Variants in MAML3 observed in about 807,000 individuals in gnomAD.
MAML3 encodes the protein mastermind like transcriptional coactivator 3, also known as mastermind-like protein 3.
A neutral mutation model predicts 101.9 loss-of-function variants in MAML3; 27 were observed. The ratio of observed to expected loss-of-function variants is 0.27; its 90% CI spans 0.20 to 0.37. The LOEUF is 0.37. MAML3 is among the 10% of genes least tolerant of loss of function. The pLI, the probability that MAML3 is intolerant of heterozygous loss-of-function variation, is 1.00. For missense variants in MAML3, 1,316 were observed against 1,444.9 expected, an observed-to-expected ratio of 0.91 and a Z score of 1.45; for synonymous variants, 501 against 555.9, an observed-to-expected ratio of 0.90 and a Z score of 1.39.
intron 1 of MAML3, among the ~76,000 whole-genome samples, chr4:139,892,685 CG>C (rs1279546099): frequency 7.9e-5 from 12 of 151,630 alleles, no homozygotes; most frequent in African/African-American, 2.9e-4. Context: ...AAGTCCAAAT[CG>C]GGGCCGGGAG....
chr4:139,811,193 G>A (rs940357710), intron 2 of MAML3, among the ~76,000 whole-genome samples: 2 of 152,198 alleles, frequency 1.3e-5, no homozygotes, highest in Admixed American at 1.3e-4. Context: ...CTGTTATAGA[G>A]TGCTTCTAAC....
intron 2 of MAML3, among the ~76,000 whole-genome samples, chr4:139,748,148 G>A (rs547546643): frequency 1.3e-5 from 2 of 152,054 alleles, no homozygotes; most frequent in South Asian, 4.2e-4. Context: ...CACTGCCCAT[G>A]GTATATTCAG....
intron 1 of MAML3, among the ~76,000 whole-genome samples, chr4:140,096,146 G>A (rs546596820): frequency 1.3e-5 from 2 of 152,182 alleles, no homozygotes; most frequent in Non-Finnish European, 2.9e-5. Flanking sequence ...AAAGAAGGCA[G>A]ACTCCTAGAC....
At chr4:140,002,605 G>A (rs779157837) in intron 1 of MAML3, among the ~76,000 whole-genome samples, 1 of 152,050 alleles carries the variant, frequency 6.6e-6, no homozygotes, top group Non-Finnish European at 1.5e-5. Flanking sequence ...CCTTATAATC[G>A]GAAGATCTAG....
intron 1 of MAML3, among the ~76,000 whole-genome samples, chr4:140,023,358 C>A (rs970018351): frequency 6.6e-6 from 1 of 152,170 alleles, no homozygotes; most frequent in Non-Finnish European, 1.5e-5. Flanking sequence ...ATCATCAATG[C>A]GCATGGAAGC....
intron 1 of MAML3, among the ~76,000 whole-genome samples, chr4:139,934,178 C>T (rs2110731435): frequency 6.6e-6 from 1 of 151,474 alleles, no homozygotes; most frequent in East Asian, 1.9e-4. Flanking sequence ...GAGTGCATGT[C>T]TGAGTGTGTG....
At chr4:140,098,736 T>G (rs1396061586) in intron 1 of MAML3, among the ~76,000 whole-genome samples, 2 of 152,268 alleles carry the variant, frequency 1.3e-5, no homozygotes, top group Non-Finnish European at 2.9e-5. Context: ...CATCGGGCTA[T>G]TCACCTGGGG....
chr4:140,057,273 T>G (rs1727365932), intron 1 of MAML3, among the ~76,000 whole-genome samples: 1 of 152,148 alleles, frequency 6.6e-6, no homozygotes, highest in Non-Finnish European at 1.5e-5. Context: ...GTCTCTATTA[T>G]ATATATATTT....
intron 2 of MAML3, among the ~76,000 whole-genome samples, chr4:139,873,271 T>C (rs1436296553): frequency 1.3e-5 from 2 of 152,172 alleles, no homozygotes; most frequent in Admixed American, 1.3e-4. Flanking sequence ...TTGGAGCCTA[T>C]GATTTCATCC....
At chr4:139,772,577 A>T (rs1050567310) in intron 2 of MAML3, among the ~76,000 whole-genome samples, 1 of 151,642 alleles carries the variant, frequency 6.6e-6, no homozygotes, top group African/African-American at 2.4e-5. Context: ...TCCTGACCTC[A>T]GGTAATCCAC....
At chr4:139,987,497 A>G (rs1207057228) in intron 1 of MAML3, among the ~76,000 whole-genome samples, 2 of 152,222 alleles carry the variant, frequency 1.3e-5, no homozygotes, top group African/African-American at 2.4e-5. Flanking sequence ...TATGGTGTCC[A>G]TGAGAAGTTG....
intron 2 of MAML3, chr4:139,794,050 A>G (rs1254829469): frequency 6.6e-6 from 1 of 152,254 alleles, no homozygotes; most frequent in African/African-American, 2.4e-5. Flanking sequence ...CATGGCTGTG[A>G]TCCCCTGGCC....
chr4:139,845,728 G>A (rs1731431534), intron 2 of MAML3, among the ~76,000 whole-genome samples: 1 of 152,054 alleles, frequency 6.6e-6, no homozygotes, highest in Admixed American at 6.6e-5. Context: ...ATAAATCTAT[G>A]GTGAATGGTA....
rs116551622 is a variant in MAML3 at position 139,906,014 on chromosome 4, G to A, written c.469-15047C>T. On this transcript the variant is annotated intron_variant, in intron 1 of 4. Transcript: ENST00000509479. ...GCAAACAGACAATGCCATCCTTAAC[G>A]TACATATCAATACAGCTCAGACTTG... Among the ~76,000 whole-genome samples, 670 of 152,190 alleles carry A rather than the reference G, an allele frequency of 4.4e-3. 2 individuals carry two copies. Among genetic ancestry groups the A allele is most frequent in the Middle Eastern group, 0.024 (7 of 294 alleles).
intron 1 of MAML3, among the ~76,000 whole-genome samples, chr4:140,148,957 T>C (rs1729108655): frequency 6.6e-6 from 1 of 152,354 alleles, no homozygotes; most frequent in East Asian, 1.9e-4. Context: ...GAAAATAATA[T>C]GGTCTTATCT....
At chr4:140,131,005 C>T (rs1378892955) in intron 1 of MAML3, among the ~76,000 whole-genome samples, 5 of 152,078 alleles carry the variant, frequency 3.3e-5, no homozygotes, top group Non-Finnish European at 7.4e-5. Flanking sequence ...AATCCCTTCA[C>T]ATCTTGCTGA....
chr4:139,895,632 T>A (rs1732592784), intron 1 of MAML3, among the ~76,000 whole-genome samples: 1 of 152,238 alleles, frequency 6.6e-6, no homozygotes, highest in East Asian at 1.9e-4. Context: ...GCTTACTGGA[T>A]CTTCAAAACA....
At chr4:139,987,199 A>T (rs1347069036) in intron 1 of MAML3, among the ~76,000 whole-genome samples, 1 of 152,216 alleles carries the variant, frequency 6.6e-6, no homozygotes, top group Non-Finnish European at 1.5e-5. Flanking sequence ...TTTTAAAACA[A>T]GCAATAGTAT....
At chr4:139,859,444 C>A (rs1024112108) in intron 2 of MAML3, among the ~76,000 whole-genome samples, 1 of 151,320 alleles carries the variant, frequency 6.6e-6, no homozygotes, top group East Asian at 1.9e-4. Context: ...TGGGCTCAAG[C>A]GACCCACCTG....
Sources: gnomAD v4.1 joint callset for allele counts (sites outside exome capture counted in the v4.1 genomes callset) on GRCh38, gnomAD v4.1.1 for gene constraint, MANE v1.5 for transcripts, NCBI Gene and HGNC (gene_info 2026-07-23, HGNC 2026-07-21) for gene names.